Variants in PPP2R3B observed in about 807,000 individuals in gnomAD.
The protein encoded by PPP2R3B is serine/threonine-protein phosphatase 2A regulatory subunit B'' subunit beta.
Under a neutral mutation model 72.9 loss-of-function variants are expected in PPP2R3B, and 68 were observed. The ratio of observed to expected loss-of-function variants is 0.93; its 90% CI spans 0.77 to 1.14. PPP2R3B has a LOEUF of 1.14. Ranked by LOEUF, PPP2R3B falls within the 50% of genes most tolerant of loss-of-function variation. The pLI is 0.00. For missense variants in PPP2R3B, 1,018 were observed against 842.0 expected (o/e 1.21, Z -2.59); for synonymous variants, 466 against 375.8 (o/e 1.24, Z -2.78).
chrX:354,521 C>T (rs189867759), intron 2 of PPP2R3B, among the ~76,000 whole-genome samples: 20 of 152,348 alleles, frequency 1.3e-4, no homozygotes, highest in African/African-American at 3.1e-4. Context: ...TTTAGCATCC[C>T]GGACAAACTT....
intron 1 of PPP2R3B, among the ~76,000 whole-genome samples, chrX:370,343 A>G (rs182819588): frequency 5.1e-4 from 77 of 152,264 alleles, no homozygotes; most frequent in Non-Finnish European, 6.3e-4. Flanking sequence ...GCCTCAACGG[A>G]CGCTGAGAGA....
chrX:370,165 G>A (rs1041803462), intron 1 of PPP2R3B, among the ~76,000 whole-genome samples: 6 of 152,304 alleles, frequency 3.9e-5, no homozygotes, highest in South Asian at 2.1e-4. Context: ...AGCCGAACAC[G>A]GAGATGAGAG....
intron 3 of PPP2R3B, 40 bp downstream of exon 3, chrX:347,550 C>T (rs752226878): frequency 2.3e-5 from 35 of 1,535,852 alleles, no homozygotes; most frequent in African/African-American, 8.3e-5. Context: ...GGGACGCCTC[C>T]GCCCTCCCGA....
chrX:338,208 C>T lies in PPP2R3B; in HGVS notation c.1577+396G>A, dbSNP rs2070942428. On this transcript the variant is annotated intron_variant, in intron 12 of 12. Transcript: ENST00000390665. ...ACCAGCCCAGGGCCTCTCAGGGCCT[C>T]CAAGGCTGGAAGGCCGAAGCGGAGG... is the stretch of plus-strand genomic sequence containing the variant. 1.1e-5 allele frequency: 4 copies of T among 370,994 alleles called. No homozygotes were observed. The South Asian group carries it at 1.3e-4, about 12-fold the overall frequency. The allele number at this position is 370,994 out of a possible 1,614,324, so 23.0% of individuals were successfully genotyped here.
In PPP2R3B at chrX:361,524, G is replaced by T. The variant is rs1192221276; in HGVS notation, c.391C>A (p.Pro131Thr). 6.2e-7 allele frequency: 1 copy of T among 1,613,902 alleles called. No individual in the cohort carries two copies. Among genetic ancestry groups the T allele is most frequent in the African/African-American group, 1.3e-5 (1 of 74,948 alleles). ...TSQSIPTFYF[P>T]RGRPQDSVNV... is the part of the protein sequence containing the mutation. ...ACGGAGTCCTGCGGGCGTCCTCTGG[G>T]GAAGTAGAAGGTCGGAATGCTTTGG... Residue 131 changes from proline to threonine, a missense_variant, in exon 2 of 13, where the codon CCC becomes ACC. Coordinates refer to ENST00000390665, the MANE Select transcript of PPP2R3B (RefSeq NM_013239.5).
In PPP2R3B at chrX:338,158, A is replaced by G. The variant is rs2070941029; in HGVS notation, c.1577+446T>C. Reference sequence around the variant, plus strand: ...GGGTTTGTATGCTGAAGACACGAAGAACCCTCACGCTCCGTGAGAAAGCAA... The same window carrying G: ...GGGTTTGTATGCTGAAGACACGAAGGACCCTCACGCTCCGTGAGAAAGCAA... On this transcript the variant is annotated intron_variant, in intron 12 of 12. Coordinates refer to ENST00000390665, the MANE Select transcript of PPP2R3B (RefSeq NM_013239.5). 5 of 254,380 alleles carry G rather than the reference A, an allele frequency of 2.0e-5. No individual in the cohort carries two copies. The South Asian group carries it at 3.6e-4, about 18-fold the overall frequency. 15.8% of individuals were successfully genotyped at this position (254,380 alleles called of 1,614,324 possible). A position where few individuals can be genotyped will look rare whatever the true frequency, so the allele number is the denominator to read the frequency against.
intron 10 of PPP2R3B, 134 bp from the exon 11 acceptor site, chrX:339,030 G>C (rs909393922): frequency 3.9e-6 from 3 of 775,900 alleles, no homozygotes; most frequent in Non-Finnish European, 6.8e-6. Flanking sequence ...CCACGTGTTT[G>C]ACGTGAAAGG....
Position 334,408 on chromosome X carries a change from A to G in PPP2R3B, c.1687T>C (p.Tyr563His). Reference sequence around the variant, plus strand: ...TCCTCGTCCCCGCATGCGTACTCGTACAGGTCCACGGCGCCCAGCGGTGAG... The same window carrying G: ...TCCTCGTCCCCGCATGCGTACTCGTGCAGGTCCACGGCGCCCAGCGGTGAG... Reference protein sequence around the residue: ...APSPLGAVDLYEYACGDEDLE... With the variant: ...APSPLGAVDLHEYACGDEDLE... The change falls in exon 13 of 13, where the codon TAC becomes CAC. Residue 563 changes from tyrosine to histidine, a missense_variant. By Grantham distance (83) the Tyr-to-His change is moderately conservative (BLOSUM62 2). Coordinates refer to ENST00000390665, the MANE Select transcript of PPP2R3B (RefSeq NM_013239.5). 1 of 1,587,088 alleles carries G rather than the reference A, an allele frequency of 6.3e-7. No homozygotes were observed. Among genetic ancestry groups the G allele is most frequent in the Non-Finnish European group, 8.5e-7 (1 of 1,173,170 alleles).
At chrX:352,016 G>C (rs1443642097) in intron 2 of PPP2R3B, among the ~76,000 whole-genome samples, 2 of 152,136 alleles carry the variant, frequency 1.3e-5, no homozygotes, top group Non-Finnish European at 2.9e-5. Flanking sequence ...CGGCGTCTGG[G>C]GGATGAGAAC....
At chrX:376,531 C>T (rs1170931635) in intron 1 of PPP2R3B, among the ~76,000 whole-genome samples, 2 of 138,276 alleles carry the variant, frequency 1.4e-5, no homozygotes, top group Non-Finnish European at 3.1e-5. Context: ...AGGGACGGGC[C>T]GTCCACACCC....
intron 2 of PPP2R3B, among the ~76,000 whole-genome samples, chrX:348,288 CTGG>C (rs2071264698): frequency 1.4e-4 from 1 of 7,328 alleles, no homozygotes; most frequent in Non-Finnish European, 3.2e-4. Flanking sequence ...TTAATTAACC[CTGG>C]CTGGCTGGGC....
intron 4 of PPP2R3B, among the ~76,000 whole-genome samples, 162 bp downstream of exon 4, chrX:347,072 G>A (rs921408888): frequency 7.4e-5 from 11 of 148,234 alleles, no homozygotes; most frequent in Middle Eastern, 3.6e-3. Context: ...GAGGCATGTG[G>A]TGTAGACGCG....
chrX:344,854 C>G, intron 7 of PPP2R3B: 3 of 311,234 alleles, frequency 9.6e-6, no homozygotes, highest in South Asian at 8.2e-5. Context: ...GGGAACCAGG[C>G]GTATTATGAG....
At chrX:369,414 G>A (rs1196045330) in intron 1 of PPP2R3B, among the ~76,000 whole-genome samples, 1 of 152,196 alleles carries the variant, frequency 6.6e-6, no homozygotes, top group Non-Finnish European at 1.5e-5. Flanking sequence ...TGAGGGCACT[G>A]AGAAGGCAGC....
chrX:340,814 G>A lies in PPP2R3B; in HGVS notation c.1302C>T (p.Phe434=), dbSNP rs200317920. The A allele has an allele frequency of 6.6e-5, 106 of 1,608,780 alleles. No homozygotes were observed. In the East Asian group the frequency reaches 2.3e-3, roughly 35 times the overall value. The change falls in exon 10 of 13, where the codon TTC becomes TTT. Residue 434 remains phenylalanine, a synonymous_variant. Coordinates refer to ENST00000390665, the MANE Select transcript of PPP2R3B (RefSeq NM_013239.5). ...LDSMAIEALP[F]QDCLCQMLDL... is the part of the protein sequence containing the mutation. ...CCAGCATCTGGCAGAGGCAGTCCTG[G>A]AAGGGCAGGGCCTCGATGGCCATGC... is the stretch of plus-strand genomic sequence containing the variant.
At chrX:350,209 T>C (rs2071299792) in intron 2 of PPP2R3B, among the ~76,000 whole-genome samples, 1 of 152,102 alleles carries the variant, frequency 6.6e-6, no homozygotes, top group African/African-American at 2.4e-5. Context: ...CCGTGGAATA[T>C]CCACAGGCAA....
rs190205265 is a variant in PPP2R3B, at chrX:334,042, C to T, written c.*325G>A. 3.1e-4 allele frequency: 81 copies of T among 263,844 alleles called. No individual in the cohort carries two copies. The highest frequency in any genetic ancestry group is 8.9e-4 in the African/African-American group (40 of 45,024). The allele number at this position is 263,844 out of a possible 1,614,324, so 16.3% of individuals were successfully genotyped here. On this transcript the variant is annotated 3_prime_UTR_variant, in exon 13 of 13. Transcript: ENST00000390665. Reference sequence around the variant, plus strand: ...GTCCAGGACTGAGGCGCCCGGGAGCCGCCGGTCACCGTTGTGCGCACACGG... The same window carrying T: ...GTCCAGGACTGAGGCGCCCGGGAGCTGCCGGTCACCGTTGTGCGCACACGG...
At position 361,305 on chromosome X, in the gene PPP2R3B, TC is replaced by T. The variant is rs2071533426; in HGVS notation, c.510+99del. 2.2e-6 allele frequency: 3 copies of T among 1,363,284 alleles called. No homozygotes were observed. The African/African-American group carries it at 4.4e-5, about 20-fold the overall frequency. The allele number at this position is 1,363,284 out of a possible 1,614,324, so 84.4% of individuals were successfully genotyped here. ...ACCCTCCTCGGCCGTGCCGCCTCACTCACGCTCGTGTGACACGCACCCACCA... is the reference window on the plus strand; with the variant it reads ...ACCCTCCTCGGCCGTGCCGCCTCACTACGCTCGTGTGACACGCACCCACCA... On this transcript the variant is annotated intron_variant, in intron 2 of 12. Coordinates refer to ENST00000390665, the MANE Select transcript of PPP2R3B (RefSeq NM_013239.5).
intron 2 of PPP2R3B, among the ~76,000 whole-genome samples, chrX:357,099 T>C (rs2738331): frequency 0.66 from 100,923 of 151,962 alleles, 34,163 homozygotes; most frequent in African/African-American, 0.79. Flanking sequence ...ACAGACAAAA[T>C]GCTCCAAGAG....
Sources: gnomAD v4.1 joint callset for allele counts (sites outside exome capture counted in the v4.1 genomes callset) on GRCh38, gnomAD v4.1.1 for gene constraint, MANE v1.5 for transcripts, NCBI Gene and HGNC (gene_info 2026-07-23, HGNC 2026-07-21) for gene names.